CFAP44: variants seen among roughly 807,000 people sequenced by gnomAD.
CFAP44 encodes the protein cilia- and flagella-associated protein 44.
In CFAP44, 134 loss-of-function variants were observed where a neutral mutation model predicts 216.2. The observed-to-expected ratio is 0.62, with a 90% CI of 0.54 to 0.72. CFAP44 has a LOEUF of 0.72. CFAP44 is among the 30% of genes least tolerant of loss of function. CFAP44 has a pLI of 0.00. For missense variants in CFAP44, 2,035 were observed against 2,182.1 expected, an observed-to-expected ratio of 0.93 and a Z score of 1.34; for synonymous variants, 700 against 727.6, an observed-to-expected ratio of 0.96 and a Z score of 0.61.
At chr3:113,410,767 G>A (rs1192457848) in intron 6 of CFAP44, among the ~76,000 whole-genome samples, 5 of 152,224 alleles carry the variant, frequency 3.3e-5, no homozygotes, top group Non-Finnish European at 7.3e-5. Flanking sequence ...CCCACCAGTA[G>A]TGTAAAAGCA....
At chr3:113,403,521 G>A (rs1934195881) in intron 9 of CFAP44, among the ~76,000 whole-genome samples, 1 of 152,168 alleles carries the variant, frequency 6.6e-6, no homozygotes, top group Admixed American at 6.5e-5. Flanking sequence ...CTACAAAATG[G>A]CCCATTCATA....
intron 12 of CFAP44, 119 bp downstream of exon 12, chr3:113,400,426 C>T: frequency 1.2e-6 from 1 of 832,794 alleles, no homozygotes; most frequent in Non-Finnish European, 1.7e-6. Context: ...CGCTTGCATT[C>T]AAGAGGCTCC....
chr3:113,337,451 A>T (rs1950290608), intron 24 of CFAP44, among the ~76,000 whole-genome samples: 1 of 152,170 alleles, frequency 6.6e-6, no homozygotes, highest in Non-Finnish European at 1.5e-5. Flanking sequence ...TATAGACAAG[A>T]TTTTTCTGAA....
At chr3:113,302,171 T>C (rs1559904677) in intron 32 of CFAP44, among the ~76,000 whole-genome samples, 1 of 152,170 alleles carries the variant, frequency 6.6e-6, no homozygotes, top group Non-Finnish European at 1.5e-5. Context: ...GCCACTCATC[T>C]GTTTATGGAC....
rs117283094 is a variant in CFAP44, at chr3:113,375,301, C to T, written c.2299-1745G>A. ...TGTGAATACGTTTACTACTACTGAG[C>T]TGTACACTTAAAAATGGTTAAGATG... On this transcript the variant is annotated intron_variant, in intron 17 of 34. Transcript: ENST00000393845. 2.1e-3 allele frequency among the ~76,000 whole-genome samples: 314 copies of T among 152,252 alleles called. 10 individuals are homozygous for T. In the East Asian group the frequency reaches 0.054, roughly 26 times the overall value.
At chr3:113,310,691 G>T (rs1950029261) in intron 28 of CFAP44, among the ~76,000 whole-genome samples, 1 of 152,136 alleles carries the variant, frequency 6.6e-6, no homozygotes. Context: ...GGAGGGGCCT[G>T]TTGGGAGGTG....
chr3:113,292,049 T>C (rs1032972246), intron 34 of CFAP44, among the ~76,000 whole-genome samples: 4 of 152,176 alleles, frequency 2.6e-5, no homozygotes, highest in Non-Finnish European at 5.9e-5. Context: ...AGAGTATGTC[T>C]TTCTTTTTCT....
intron 25 of CFAP44, among the ~76,000 whole-genome samples, chr3:113,332,240 T>G (rs1950246801): frequency 6.6e-6 from 1 of 152,184 alleles, no homozygotes; most frequent in Non-Finnish European, 1.5e-5. Context: ...AAAATTACCT[T>G]AGAAGAACAA....
chr3:113,360,927 A>T (rs892405621), intron 21 of CFAP44: 4 of 152,426 alleles, frequency 2.6e-5, no homozygotes, highest in Non-Finnish European at 4.1e-5. Context: ...CTACTAATAT[A>T]AAAAAAAAAA....
chr3:113,341,807 AGTTTTCTC>A lies in CFAP44; in HGVS notation c.3366_3373del (p.Arg1123TyrfsTer5). On this transcript the variant is annotated frameshift_variant, in exon 24 of 35. Transcript: ENST00000393845. LOFTEE classifies it high-confidence loss of function. ...TTGTGCCCTTTCAGCTTTTAATATA[AGTTTTCTC>A]GTTTTCTCAATTTGATTTTCCACGA... 1 of 1,529,882 alleles carries A rather than the reference AGTTTTCTC, an allele frequency of 6.5e-7. No homozygotes were observed. The highest frequency in any genetic ancestry group is 8.7e-7 in the Non-Finnish European group (1 of 1,145,198). 94.8% of individuals were successfully genotyped at this position (1,529,882 alleles called of 1,614,324 possible).
chr3:113,380,278 G>A (rs552303230), intron 16 of CFAP44, among the ~76,000 whole-genome samples: 1 of 152,172 alleles, frequency 6.6e-6, no homozygotes, highest in African/African-American at 2.4e-5. Context: ...CCATGCATTG[G>A]TCACAGACTC....
In CFAP44 at chr3:113,437,720, G is replaced by C. The variant is rs571898934; in HGVS notation, c.-6+3733C>G. ...AAGCAGTGGAGCAGGTCAGGTGGGAGAGACTCCTGTTCTCCTGGAGATTAT... is the reference window on the plus strand; with the variant it reads ...AAGCAGTGGAGCAGGTCAGGTGGGACAGACTCCTGTTCTCCTGGAGATTAT... On this transcript the variant is annotated intron_variant, in intron 1 of 34. Coordinates refer to ENST00000393845, the MANE Select transcript of CFAP44 (RefSeq NM_001164496.2). Among the ~76,000 whole-genome samples, 3 of 152,344 alleles carry C rather than the reference G, an allele frequency of 2.0e-5. No individual in the cohort carries two copies. The East Asian group carries it at 5.8e-4, about 29-fold the overall frequency.
intron 29 of CFAP44, among the ~76,000 whole-genome samples, chr3:113,307,549 T>G (rs559870563): frequency 6.6e-6 from 1 of 152,244 alleles, no homozygotes; most frequent in South Asian, 2.1e-4. Context: ...CTTCTTATAT[T>G]TATTGTCTTT....
rs1949757223 is a variant in CFAP44 at position 113,287,000 on chromosome 3, T to TATAA, written c.*4556_*4557insTTAT. 1.1e-6 allele frequency: 1 copy of TATAA among 951,236 alleles called. No homozygotes were observed. The highest frequency in any genetic ancestry group is 1.6e-5 in the African/African-American group (1 of 60,684). The allele number at this position is 951,236 out of a possible 1,614,324, so 58.9% of individuals were successfully genotyped here. A position where few individuals can be genotyped will look rare whatever the true frequency, so the allele number is the denominator to read the frequency against. ...ATATTTATGCACTTGTAAATAAATG[T>TATAA]ATATGTTTTATAATTCTGGAGAGAC... is the stretch of plus-strand genomic sequence containing the variant. On this transcript the variant is annotated 3_prime_UTR_variant, in exon 35 of 35. Transcript: ENST00000393845.
At chr3:113,307,769 A>G (rs539112774) in intron 29 of CFAP44, among the ~76,000 whole-genome samples, 1 of 152,316 alleles carries the variant, frequency 6.6e-6, no homozygotes, top group Non-Finnish European at 1.5e-5. Flanking sequence ...GGAGATCAAG[A>G]CCATCCTGGC....
At chr3:113,343,005 A>T (rs185116999) in intron 23 of CFAP44, among the ~76,000 whole-genome samples, 65 of 148,088 alleles carry the variant, frequency 4.4e-4, no homozygotes, top group African/African-American at 1.2e-3. Flanking sequence ...AATAAATAAA[A>T]AATTAAAAAA....
intron 24 of CFAP44, among the ~76,000 whole-genome samples, chr3:113,336,278 G>A (rs370169331): frequency 1.3e-5 from 2 of 151,964 alleles, no homozygotes; most frequent in African/African-American, 4.8e-5. Context: ...ATGACCAAAA[G>A]CTAGTTCTTT....
At chr3:113,391,095 C>T (rs1393757083) in intron 15 of CFAP44, among the ~76,000 whole-genome samples, 1 of 152,094 alleles carries the variant, frequency 6.6e-6, no homozygotes, top group Non-Finnish European at 1.5e-5. Context: ...TCAAGTTATA[C>T]TACAGAGATA....
intron 10 of CFAP44, 88 bp from the exon 11 acceptor site, chr3:113,401,375 G>A: frequency 7.7e-7 from 1 of 1,301,562 alleles, no homozygotes. Context: ...TTAAAGTAAG[G>A]ACAAGCAATA....
Sources: gnomAD v4.1 joint callset for allele counts (sites outside exome capture counted in the v4.1 genomes callset) on GRCh38, gnomAD v4.1.1 for gene constraint, MANE v1.5 for transcripts, NCBI Gene and HGNC (gene_info 2026-07-23, HGNC 2026-07-21) for gene names.